OXCT1: variants seen among roughly 807,000 people sequenced by gnomAD.
OXCT1 encodes the protein succinyl-CoA:3-ketoacid coenzyme A transferase 1, mitochondrial.
A neutral mutation model predicts 69.6 loss-of-function variants in OXCT1; 27 were observed. That is an observed-to-expected ratio of 0.39 (90% confidence interval 0.29 to 0.54). The LOEUF is 0.54. OXCT1 is among the 20% of genes least tolerant of loss of function. The pLI is 0.72. For synonymous variants in OXCT1, 202 were observed against 217.8 expected (o/e 0.93, Z 0.64); for missense variants, 437 against 650.2 (o/e 0.67, Z 3.57).
chr5:41,734,847 T>C lies in OXCT1; in HGVS notation c.1522-3077A>G, dbSNP rs551390115. ...TGATAAGAGATTAGCATCCAGAATA[T>C]ATGAGAAACTTTGAGAACATCACCA... On this transcript the variant is annotated intron_variant, in intron 16 of 16. Transcript: ENST00000196371. Among the ~76,000 whole-genome samples the C allele has an allele frequency of 2.6e-5, 4 of 152,254 alleles. No homozygotes were observed. The East Asian group carries it at 7.7e-4, about 29-fold the overall frequency.
intron 7 of OXCT1, among the ~76,000 whole-genome samples, chr5:41,819,511 C>T (rs1381583249): frequency 1.3e-5 from 2 of 152,078 alleles, no homozygotes; most frequent in Non-Finnish European, 2.9e-5. Context: ...GCTGGGATTA[C>T]AGGCATGCGC....
intron 13 of OXCT1, among the ~76,000 whole-genome samples, chr5:41,765,686 G>A (rs1744565043): frequency 6.6e-6 from 1 of 152,132 alleles, no homozygotes. Context: ...TGCTGTCCTA[G>A]GCAGAGTAAT....
chr5:41,759,453 C>G (rs779667235), intron 14 of OXCT1, among the ~76,000 whole-genome samples: 1 of 152,032 alleles, frequency 6.6e-6, no homozygotes, highest in Non-Finnish European at 1.5e-5. Context: ...AAAAACTTTG[C>G]CTACTTCAAA....
chr5:41,786,549 T>A (rs1338072969), intron 13 of OXCT1, among the ~76,000 whole-genome samples: 1 of 152,226 alleles, frequency 6.6e-6, no homozygotes, highest in East Asian at 1.9e-4. Flanking sequence ...TTCACTGTTT[T>A]GGAATGGACC....
intron 7 of OXCT1, among the ~76,000 whole-genome samples, chr5:41,814,723 T>G: frequency 1.2e-5 from 1 of 81,022 alleles, no homozygotes; most frequent in East Asian, 3.7e-4. Context: ...TGGGGACTGT[T>G]GTGGGGTGGG....
chr5:41,834,163 TA>T (rs1748238718), intron 7 of OXCT1, among the ~76,000 whole-genome samples: 1 of 150,790 alleles, frequency 6.6e-6, no homozygotes, highest in Non-Finnish European at 1.5e-5. Context: ...TACAGATTCA[TA>T]AAAAATAAAA....
At chr5:41,754,260 T>C (rs1325126156) in intron 14 of OXCT1, among the ~76,000 whole-genome samples, 3 of 152,104 alleles carry the variant, frequency 2.0e-5, no homozygotes, top group Admixed American at 1.3e-4. Flanking sequence ...CAAAATATCA[T>C]GGATGAAGCC....
chr5:41,800,958 C>G, intron 11 of OXCT1, 64 bp downstream of exon 11: 2 of 1,383,944 alleles, frequency 1.4e-6, no homozygotes, highest in Non-Finnish European at 1.0e-6. Context: ...GAATTGAGTC[C>G]AAACTCTTAT....
At position 41,731,810 on chromosome 5, in the gene OXCT1, G is replaced by T. The variant is rs1269632934; in HGVS notation, c.1522-40C>A. On this transcript the variant is annotated intron_variant, in intron 16 of 16. Transcript: ENST00000196371. ...AAAAAAAATCAAATTATGAAAAACTGCATGATATAAATCTCTCTCCTTTTA... is the reference window on the plus strand; with the variant it reads ...AAAAAAAATCAAATTATGAAAAACTTCATGATATAAATCTCTCTCCTTTTA... 2.5e-6 allele frequency: 4 copies of T among 1,583,328 alleles called. No homozygotes were observed. The East Asian group carries it at 6.8e-5, about 27-fold the overall frequency.
intron 13 of OXCT1, among the ~76,000 whole-genome samples, chr5:41,775,019 G>T (rs935400556): frequency 6.6e-6 from 1 of 152,104 alleles, no homozygotes; most frequent in South Asian, 2.1e-4. Context: ...AAATGGGAGA[G>T]AAGAGACAAA....
intron 14 of OXCT1, among the ~76,000 whole-genome samples, chr5:41,759,016 T>C (rs1744217943): frequency 6.6e-6 from 1 of 151,934 alleles, no homozygotes. Context: ...AATTAGATTT[T>C]TGGATTATTT....
intron 7 of OXCT1, among the ~76,000 whole-genome samples, chr5:41,826,849 A>G (rs1747830358): frequency 6.6e-6 from 1 of 152,100 alleles, no homozygotes; most frequent in South Asian, 2.1e-4. Context: ...AAGCCAATCA[A>G]TCCTAAGCGA....
intron 13 of OXCT1, among the ~76,000 whole-genome samples, chr5:41,771,765 G>T (rs1744881304): frequency 1.3e-5 from 2 of 152,134 alleles, no homozygotes; most frequent in African/African-American, 4.8e-5. Context: ...TTCTGGGCCT[G>T]TATACTACCC....
rs905380827 is a variant in OXCT1, at chr5:41,866,025, C to A, written c.79-3275G>T. Among the ~76,000 whole-genome samples the A allele has an allele frequency of 7.9e-5, 11 of 139,028 alleles. 1 individual carries two copies. In the East Asian group the frequency reaches 1.0e-3, roughly 13 times the overall value. 91.2% of individuals were successfully genotyped at this position (139,028 alleles called of 152,430 possible). On this transcript the variant is annotated intron_variant, in intron 1 of 16. Coordinates refer to ENST00000196371, the MANE Select transcript of OXCT1 (RefSeq NM_000436.4). ...GGTGTTTTTATATGTACAGTAGACC[C>A]CCCCCCCCACCGCTTATCCACAGTT...
At chr5:41,806,526 T>G (rs1308686418) in intron 8 of OXCT1, among the ~76,000 whole-genome samples, 1 of 152,084 alleles carries the variant, frequency 6.6e-6, no homozygotes, top group South Asian at 2.1e-4. Flanking sequence ...AGATCCCTTA[T>G]GAATTGGCTT....
chr5:41,753,336 C>A (rs561757864), intron 14 of OXCT1, among the ~76,000 whole-genome samples: 1 of 146,612 alleles, frequency 6.8e-6, no homozygotes, highest in African/African-American at 2.4e-5. Context: ...CACACACAGA[C>A]ACACACGTGT....
chr5:41,756,494 G>T (rs1483746975), intron 14 of OXCT1, among the ~76,000 whole-genome samples: 1 of 152,052 alleles, frequency 6.6e-6, no homozygotes, highest in Non-Finnish European at 1.5e-5. Context: ...AAAATATCAA[G>T]AACCATCTCA....
At chr5:41,812,162 T>C (rs1356139389) in intron 7 of OXCT1, among the ~76,000 whole-genome samples, 1 of 151,954 alleles carries the variant, frequency 6.6e-6, no homozygotes, top group Middle Eastern at 3.2e-3. Context: ...CTTGGTAAAG[T>C]AGAAATGACA....
chr5:41,861,279 C>A (rs1561136671), intron 3 of OXCT1, 35 bp downstream of exon 3: 1 of 1,292,318 alleles, frequency 7.7e-7, no homozygotes, highest in Non-Finnish European at 1.1e-6. Flanking sequence ...ATTGGCATTT[C>A]TCTCCAGCCA....
Sources: allele counts gnomAD v4.1 joint callset (sites outside exome capture counted in the v4.1 genomes callset), GRCh38; gene constraint gnomAD v4.1.1; transcripts MANE v1.5; gene names NCBI Gene and HGNC (gene_info 2026-07-23, HGNC 2026-07-21).